Variants in RBM33 observed in about 807,000 individuals in gnomAD.
The protein encoded by RBM33 is RNA binding motif protein 33, also known as RNA-binding protein 33.
A neutral mutation model predicts 132.6 loss-of-function variants in RBM33; 28 were observed. The ratio of observed to expected loss-of-function variants is 0.21; its 90% CI spans 0.16 to 0.29. The LOEUF (loss-of-function observed/expected upper bound fraction) is 0.29, where lower values mean the gene tolerates loss of function less well. Ranked by LOEUF, RBM33 falls within the 10% of genes least tolerant of loss-of-function variation. The pLI, the probability that RBM33 is intolerant of heterozygous loss-of-function variation, is 1.00. For synonymous variants in RBM33, 634 were observed against 593.0 expected (o/e 1.07, Z -1.01); for missense variants, 1,291 against 1,518.5 (o/e 0.85, Z 2.49).
chr7:155,661,097 GGTGTGTGTGTGTGT>G (rs59345780), intron 1 of RBM33, among the ~76,000 whole-genome samples: 4 of 110,148 alleles, frequency 3.6e-5, no homozygotes, highest in African/African-American at 3.7e-5. Context: ...GTGTGTGTGT[GGTGTGTGTGTGTGT>G]GTGTGTGTGT....
At chr7:155,764,079 C>T in intron 15 of RBM33, 61 bp downstream of exon 15, 1 of 1,307,410 alleles carries the variant, frequency 7.6e-7, no homozygotes, top group South Asian at 1.5e-5. Context: ...AGGCAGTGTT[C>T]AGACGTGCTC....
chr7:155,746,956 G>A (rs947192665), intron 14 of RBM33, among the ~76,000 whole-genome samples: 3 of 152,170 alleles, frequency 2.0e-5, no homozygotes, highest in African/African-American at 7.2e-5. Flanking sequence ...ACGTTACTTC[G>A]TCTCCTTGCT....
intron 14 of RBM33, among the ~76,000 whole-genome samples, chr7:155,759,671 G>C (rs1295875435): frequency 6.6e-6 from 1 of 151,976 alleles, no homozygotes; most frequent in South Asian, 2.1e-4. Flanking sequence ...CACCCGCCTC[G>C]GCCTCCCAAA....
At chr7:155,688,658 C>A (rs1563144828) in intron 5 of RBM33, among the ~76,000 whole-genome samples, 1 of 152,078 alleles carries the variant, frequency 6.6e-6, no homozygotes, top group Admixed American at 6.5e-5. Flanking sequence ...CCCATCAATA[C>A]CTAATTTATT....
rs756255082 is a variant in RBM33, at chr7:155,739,931, A to C, written c.1954A>C (p.Met652Leu). 3 of 1,551,566 alleles carry C rather than the reference A, an allele frequency of 1.9e-6. No homozygotes were observed. Among genetic ancestry groups the C allele is most frequent in the Non-Finnish European group, 2.6e-6 (3 of 1,147,570 alleles). ...LSVPPPPLMP[M>L]SQPQFRPHVQ... ...CGTCCCGCCCCCTCCTTTGATGCCGATGTCTCAGCCACAGTTCCGGCCTCA... is the reference window on the plus strand; with the variant it reads ...CGTCCCGCCCCCTCCTTTGATGCCGCTGTCTCAGCCACAGTTCCGGCCTCA... Residue 652 changes from methionine (M) to leucine (L), a missense_variant, in exon 12 of 18, where the codon ATG becomes CTG. By Grantham distance (15) the Met-to-Leu change is conservative. Coordinates refer to ENST00000401878, the MANE Select transcript of RBM33 (RefSeq NM_053043.3).
rs1057413493 is a variant in RBM33, at chr7:155,682,694, G to A, written c.567+1786G>A. Among the ~76,000 whole-genome samples the A allele has an allele frequency of 7.9e-5, 12 of 152,150 alleles. No individual in the cohort carries two copies. In the East Asian group the frequency reaches 1.9e-3, roughly 24 times the overall value. ...GGCCCTGCCTGTGAACTTAGTACTA[G>A]GTGGCACAGATCATAGCGTGGAAGG... On this transcript the variant is annotated intron_variant, in intron 5 of 17. Transcript: ENST00000401878.
At chr7:155,694,541 C>T (rs1799739014) in intron 5 of RBM33, among the ~76,000 whole-genome samples, 1 of 152,180 alleles carries the variant, frequency 6.6e-6, no homozygotes, top group African/African-American at 2.4e-5. Flanking sequence ...GTTACCATCC[C>T]TTGGTTGATA....
At chr7:155,684,812 C>G (rs1025082551) in intron 5 of RBM33, 2 of 1,108,396 alleles carry the variant, frequency 1.8e-6, no homozygotes, top group African/African-American at 3.2e-5. Context: ...GCTCAGTCAG[C>G]TAATCACCAT....
chr7:155,707,329 G>A (rs765685085), intron 7 of RBM33: 3 of 594,216 alleles, frequency 5.0e-6, no homozygotes, highest in South Asian at 4.6e-5. Context: ...GCGACCTGAT[G>A]CCCTAAGATG....
intron 5 of RBM33, among the ~76,000 whole-genome samples, chr7:155,689,059 CCTTGTACCT>C (rs1414176708): frequency 2.0e-5 from 3 of 152,202 alleles, no homozygotes; most frequent in Admixed American, 2.0e-4. Context: ...ACCAGCTCCT[CCTTGTACCT>C]CTGGTAGAAT....
In RBM33 at chr7:155,734,363, C is replaced by T. The variant is rs75976840; in HGVS notation, c.1261-3167C>T. On this transcript the variant is annotated intron_variant, in intron 9 of 17. Coordinates refer to ENST00000401878, the MANE Select transcript of RBM33 (RefSeq NM_053043.3). ...GGTGGTTGGGCAAACCATCATCAAA[C>T]CTGCTTGTGGTTGATCTTGACTCAG... 4.1e-3 allele frequency among the ~76,000 whole-genome samples: 619 copies of T among 152,328 alleles called. 8 individuals carry two copies. The highest frequency in any genetic ancestry group is 0.014 in the African/African-American group (595 of 41,568).
In RBM33 at chr7:155,774,265, C is replaced by T. The variant is rs188357459; in HGVS notation, c.3376-294C>T. On this transcript the variant is annotated intron_variant, in intron 16 of 17. Transcript: ENST00000401878. This position sits in a 1 kb window ranked among gnomAD's most constrained non-coding sequence, Gnocchi z 4.2. The stretch of plus-strand genomic sequence containing the variant: ...TATCCAAGGGTACCTGCTACCCGGT[C>T]TCCCAGAGCAGGTTGGGGCAGCTGA... 1.3e-3 allele frequency among the ~76,000 whole-genome samples: 204 copies of T among 152,320 alleles called. 1 individual carries two copies. The highest frequency in any genetic ancestry group is 2.3e-3 in the Non-Finnish European group (154 of 68,032).
At chr7:155,773,429 G>C (rs188457158) in intron 16 of RBM33, among the ~76,000 whole-genome samples, 1 of 151,976 alleles carries the variant, frequency 6.6e-6, no homozygotes, top group South Asian at 2.1e-4. Flanking sequence ...TAGCTAGGGC[G>C]TGGTGATGGG....
chr7:155,687,952 A>G (rs1321732869), intron 5 of RBM33, among the ~76,000 whole-genome samples: 1 of 152,180 alleles, frequency 6.6e-6, no homozygotes, highest in African/African-American at 2.4e-5. Flanking sequence ...TTGTCTTGGC[A>G]ATGTGGGACC....
intron 16 of RBM33, among the ~76,000 whole-genome samples, chr7:155,772,507 G>A (rs1451600651): frequency 6.6e-6 from 1 of 152,220 alleles, no homozygotes; most frequent in Non-Finnish European, 1.5e-5. Context: ...AGAAATACAG[G>A]CGGAATTTCA....
chr7:155,744,153 A>G (rs1321946746), intron 13 of RBM33, among the ~76,000 whole-genome samples: 1 of 152,222 alleles, frequency 6.6e-6, no homozygotes, highest in East Asian at 1.9e-4. Context: ...AGATGGTGAA[A>G]TAGCTGAATT....
chr7:155,770,204 A>G (rs1172186722), intron 16 of RBM33, among the ~76,000 whole-genome samples: 1 of 152,270 alleles, frequency 6.6e-6, no homozygotes, highest in Non-Finnish European at 1.5e-5. Context: ...TTATGATAAT[A>G]GATGAAAACT....
intron 13 of RBM33, among the ~76,000 whole-genome samples, chr7:155,742,747 T>C (rs1188045980): frequency 6.6e-6 from 1 of 152,244 alleles, no homozygotes; most frequent in Non-Finnish European, 1.5e-5. Flanking sequence ...GCACAGAATG[T>C]AGTGAGTGTG....
Position 155,644,729 on chromosome 7 carries a change from T to G in RBM33, c.-148T>G, listed in dbSNP as rs1798122084. 4 of 581,784 alleles carry G rather than the reference T, an allele frequency of 6.9e-6. No homozygotes were observed. The highest frequency in any genetic ancestry group is 1.1e-5 in the Non-Finnish European group (4 of 354,476). 36.0% of individuals were successfully genotyped at this position (581,784 alleles called of 1,614,324 possible). A position where few individuals can be genotyped will look rare whatever the true frequency, so the allele number is the denominator to read the frequency against. On this transcript the variant is annotated 5_prime_UTR_variant, in exon 1 of 18. Transcript: ENST00000401878. ...TCCTGCGGAGGCGAAGGGCCAGCTGTGGACCGCGAAGCGCCCGGCTTCGCC... is the reference window on the plus strand; with the variant it reads ...TCCTGCGGAGGCGAAGGGCCAGCTGGGGACCGCGAAGCGCCCGGCTTCGCC...
Sources: allele counts gnomAD v4.1 joint callset (sites outside exome capture counted in the v4.1 genomes callset), GRCh38; gene constraint gnomAD v4.1.1; non-coding constraint Gnocchi (gnomAD v3.1); transcripts MANE v1.5; gene names NCBI Gene and HGNC (gene_info 2026-07-23, HGNC 2026-07-21).